Variants in NAALADL2 observed in about 807,000 individuals in gnomAD.
NAALADL2 encodes N-acetylated alpha-linked acidic dipeptidase like 2, also known as inactive N-acetylated-alpha-linked acidic dipeptidase-like protein 2.
Under a neutral mutation model 87.2 loss-of-function variants are expected in NAALADL2, and 76 were observed. The ratio of observed to expected loss-of-function variants is 0.87; its 90% CI spans 0.72 to 1.05. The LOEUF (loss-of-function observed/expected upper bound fraction) is 1.05. NAALADL2 is among the 50% of genes least tolerant of loss of function. The pLI is 0.00. For missense variants in NAALADL2, 1,089 were observed against 945.8 expected, an observed-to-expected ratio of 1.15 and a Z score of -1.99; for synonymous variants, 354 against 331.0, an observed-to-expected ratio of 1.07 and a Z score of -0.75.
At chr3:175,214,939 AT>A in intron 2 of NAALADL2, among the ~76,000 whole-genome samples, 1 of 152,224 alleles carries the variant, frequency 6.6e-6, no homozygotes, top group East Asian at 1.9e-4. Flanking sequence ...TATACAAGGT[AT>A]TTTTGTCAAT....
intron 9 of NAALADL2, among the ~76,000 whole-genome samples, chr3:175,537,144 A>G (rs1734929897): frequency 6.6e-6 from 1 of 152,200 alleles, no homozygotes; most frequent in Non-Finnish European, 1.5e-5. Flanking sequence ...GGCTCAGAGA[A>G]AATATATAAC....
At chr3:174,456,867 A>G (rs1423351882) in intron 1 of NAALADL2, among the ~76,000 whole-genome samples, 1 of 152,092 alleles carries the variant, frequency 6.6e-6, no homozygotes, top group Non-Finnish European at 1.5e-5. Flanking sequence ...AAAAGTGACA[A>G]AAGGAAACTA....
chr3:174,795,149 G>T (rs1316429333), intron 3 of NAALADL2, among the ~76,000 whole-genome samples: 1 of 148,320 alleles, frequency 6.7e-6, no homozygotes, highest in Admixed American at 6.8e-5. Flanking sequence ...GCACCACCAT[G>T]CCTGGCTAGT....
intron 1 of NAALADL2, among the ~76,000 whole-genome samples, chr3:174,948,738 G>A (rs1228987307): frequency 1.3e-5 from 2 of 152,056 alleles, no homozygotes; most frequent in South Asian, 2.1e-4. Flanking sequence ...ACTGGGGGCT[G>A]GAATCATCTA....
chr3:174,443,247 T>G (rs1226598929), intron 1 of NAALADL2, among the ~76,000 whole-genome samples: 2 of 152,170 alleles, frequency 1.3e-5, no homozygotes, highest in Admixed American at 6.5e-5. Flanking sequence ...TAGGCTATCA[T>G]AATTTATGTG....
intron 2 of NAALADL2, among the ~76,000 whole-genome samples, chr3:174,692,651 G>GT (rs1728682640): frequency 6.6e-6 from 1 of 151,962 alleles, no homozygotes; most frequent in Non-Finnish European, 1.5e-5. Flanking sequence ...AGAATGTTCG[G>GT]AAACCTCTAT....
At chr3:175,604,701 A>T (rs1258586158) in intron 10 of NAALADL2, among the ~76,000 whole-genome samples, 2 of 152,150 alleles carry the variant, frequency 1.3e-5, no homozygotes, top group East Asian at 3.8e-4. Flanking sequence ...GGTACAGGTT[A>T]CATATTTCTG....
chr3:175,523,218 A>G (rs1434591263), intron 9 of NAALADL2, among the ~76,000 whole-genome samples: 22 of 152,210 alleles, frequency 1.4e-4, no homozygotes, highest in Admixed American at 1.4e-3. Context: ...TAATAACTGG[A>G]GAGTCAGGAG....
chr3:174,775,080 G>C (rs922918723), intron 3 of NAALADL2, among the ~76,000 whole-genome samples: 2 of 151,978 alleles, frequency 1.3e-5, no homozygotes, highest in Non-Finnish European at 2.9e-5. Flanking sequence ...AAATAGGAAA[G>C]TATACATAAA....
At chr3:175,060,364 C>T (rs537341723) in intron 1 of NAALADL2, among the ~76,000 whole-genome samples, 12 of 152,198 alleles carry the variant, frequency 7.9e-5, no homozygotes, top group Middle Eastern at 3.4e-3. Context: ...TCCAAAATTG[C>T]GGTGATATGA....
At chr3:175,257,896 T>C (rs1474583460) in intron 4 of NAALADL2, among the ~76,000 whole-genome samples, 4 of 152,204 alleles carry the variant, frequency 2.6e-5, no homozygotes, top group African/African-American at 9.7e-5. Flanking sequence ...AAAAATGTAT[T>C]ATATTAATCT....
Position 174,952,488 on chromosome 3 carries a change from G to A in NAALADL2, c.43+93038G>A, listed in dbSNP as rs561818180. 4.7e-4 allele frequency among the ~76,000 whole-genome samples: 72 copies of A among 152,142 alleles called. 1 individual carries two copies. Among genetic ancestry groups the A allele is most frequent in the African/African-American group, 1.6e-3 (68 of 41,508 alleles). ...TAAAGAAGAAAGCCAGGGGTGTTTG[G>A]TCCTAAATATTGAGTTCAGTAGGCA... On this transcript the variant is annotated intron_variant, in intron 1 of 13. Transcript: ENST00000454872.
chr3:175,791,295 A>G (rs759744696), intron 13 of NAALADL2, among the ~76,000 whole-genome samples: 10 of 152,122 alleles, frequency 6.6e-5, no homozygotes, highest in Non-Finnish European at 1.3e-4. Context: ...TGAGTGCCTG[A>G]TATCAAACCC....
chr3:175,066,496 G>T (rs1487284598), intron 1 of NAALADL2, among the ~76,000 whole-genome samples: 1 of 152,112 alleles, frequency 6.6e-6, no homozygotes, highest in Non-Finnish European at 1.5e-5. Flanking sequence ...CTCAGTACCT[G>T]CTTTTTCAGC....
intron 2 of NAALADL2, among the ~76,000 whole-genome samples, chr3:175,184,953 C>T (rs537930042): frequency 1.2e-4 from 19 of 152,184 alleles, no homozygotes; most frequent in Non-Finnish European, 2.5e-4. Flanking sequence ...AATTACTATA[C>T]GATAGGTTGT....
At chr3:175,319,306 T>C (rs1441517446) in intron 4 of NAALADL2, among the ~76,000 whole-genome samples, 1 of 152,208 alleles carries the variant, frequency 6.6e-6, no homozygotes, top group Non-Finnish European at 1.5e-5. Context: ...TCAATGTTAG[T>C]TTATTTAATC....
At chr3:175,300,732 A>G (rs996202270) in intron 4 of NAALADL2, among the ~76,000 whole-genome samples, 1 of 148,300 alleles carries the variant, frequency 6.7e-6, no homozygotes, top group Admixed American at 6.8e-5. Context: ...TCAAAAAACC[A>G]TCTCCTGGAT....
intron 1 of NAALADL2, among the ~76,000 whole-genome samples, chr3:175,008,722 G>GTTACAGGGTAAGGCAGT (rs1749381773): frequency 1.0e-5 from 1 of 96,322 alleles, no homozygotes; most frequent in African/African-American, 7.2e-5. Context: ...ACCCTACAAC[G>GTTACAGGGTAAGGCAGT]TTATAGGGTA....
intron 1 of NAALADL2, among the ~76,000 whole-genome samples, chr3:175,077,358 G>A (rs1716795033): frequency 6.6e-6 from 1 of 152,142 alleles, no homozygotes. Flanking sequence ...AAGAAAAGCA[G>A]AAAGGAAAAC....
Sources: gnomAD v4.1 joint callset for allele counts (sites outside exome capture counted in the v4.1 genomes callset) on GRCh38, gnomAD v4.1.1 for gene constraint, MANE v1.5 for transcripts, NCBI Gene and HGNC (gene_info 2026-07-23, HGNC 2026-07-21) for gene names.